CPLX2: variants seen among roughly 807,000 people sequenced by gnomAD.
CPLX2 encodes the protein complexin 2.
CPLX2 carries 5 observed loss-of-function variants against 16.3 expected under a neutral mutation model. The observed-to-expected ratio is 0.31, with a 90% CI of 0.16 to 0.64. CPLX2 has a LOEUF of 0.64. Among genes scored for constraint, CPLX2 ranks in the 30% least tolerant of loss-of-function variants. The probability of loss-of-function intolerance (pLI) is 0.79; values close to 1 mark genes in which losing one functional copy is unlikely to be tolerated. For synonymous variants in CPLX2, 89 were observed against 73.2 expected, an observed-to-expected ratio of 1.22 and a Z score of -1.10; for missense variants, 144 against 181.4, an observed-to-expected ratio of 0.79 and a Z score of 1.18.
At chr5:175,873,448 G>T (rs1759683371) in intron 1 of CPLX2, among the ~76,000 whole-genome samples, 1 of 152,082 alleles carries the variant, frequency 6.6e-6, no homozygotes, top group South Asian at 2.1e-4. Flanking sequence ...GGGGACAGGA[G>T]AAATGAAACA....
chr5:175,862,983 T>C (rs1349833062), intron 2 of CPLX2, among the ~76,000 whole-genome samples: 1 of 152,186 alleles, frequency 6.6e-6, no homozygotes, highest in Admixed American at 6.5e-5. Flanking sequence ...ACTCTGTGTT[T>C]TAGAAAGCTC....
chr5:175,860,558 A>AAG (rs1430841459), intron 2 of CPLX2, among the ~76,000 whole-genome samples: 6 of 130,482 alleles, frequency 4.6e-5, no homozygotes, highest in African/African-American at 1.8e-4. Context: ...GAAAGAAAGA[A>AAG]AGAAAAAGAA....
In CPLX2 at chr5:175,849,999, C is replaced by T. The variant is rs896575140; in HGVS notation, c.-88-28653C>T. On this transcript the variant is annotated intron_variant, in intron 2 of 4. Transcript: ENST00000359546. This position sits in a 1 kb window ranked among gnomAD's most constrained non-coding sequence, Gnocchi z 4.4. The stretch of plus-strand genomic sequence containing the variant: ...AGGGGCTCCCTGTGCTCCAAAGGAG[C>T]CACATACACAGAAGTCATCCTTGGG... 1.3e-5 allele frequency among the ~76,000 whole-genome samples: 2 copies of T among 152,256 alleles called. No homozygotes were observed. The highest frequency in any genetic ancestry group is 2.9e-5 in the Non-Finnish European group (2 of 68,052).
chr5:175,853,281 G>C (rs752038730), intron 2 of CPLX2, among the ~76,000 whole-genome samples: 1 of 152,250 alleles, frequency 6.6e-6, no homozygotes, highest in Non-Finnish European at 1.5e-5. Context: ...CACCAGTCAA[G>C]CCGGGGACAC....
At chr5:175,842,929 C>T (rs928220174) in intron 2 of CPLX2, among the ~76,000 whole-genome samples, 7 of 152,210 alleles carry the variant, frequency 4.6e-5, no homozygotes, top group Non-Finnish European at 1.5e-5. Context: ...CCAAGTTTCC[C>T]CTCTAGGCCC....
intron 2 of CPLX2, among the ~76,000 whole-genome samples, chr5:175,826,038 G>T (rs957509513): frequency 6.6e-6 from 1 of 151,704 alleles, no homozygotes; most frequent in South Asian, 2.1e-4. Flanking sequence ...CAGTGGTGTG[G>T]GCTGGGCTGA....
At chr5:175,867,589 C>T (rs1561788739), upstream of CPLX2, among the ~76,000 whole-genome samples, 1 of 152,150 alleles carries the variant, frequency 6.6e-6, no homozygotes, top group Admixed American at 6.5e-5. Flanking sequence ...ATGCCATTGA[C>T]TTATTCTACT....
intron 2 of CPLX2, among the ~76,000 whole-genome samples, chr5:175,834,582 GT>G (rs1758790963): frequency 6.6e-6 from 1 of 152,106 alleles, no homozygotes. Flanking sequence ...ATGCAGAAAA[GT>G]TTTGTGGAGC....
upstream of CPLX2, among the ~76,000 whole-genome samples, chr5:175,867,984 G>A (rs1007151188): frequency 6.6e-5 from 10 of 152,178 alleles, no homozygotes; most frequent in African/African-American, 2.4e-4. Flanking sequence ...TACCACCCCC[G>A]CAGTTCTGTT....
At chr5:175,856,490 G>A (rs10056916) in intron 2 of CPLX2, among the ~76,000 whole-genome samples, 24,897 of 151,980 alleles carry the variant, frequency 0.16, 2,781 homozygotes, top group East Asian at 0.49. Context: ...CTCCCGCCAC[G>A]CTCCGCGCAG....
intron 1 of CPLX2, among the ~76,000 whole-genome samples, chr5:175,808,495 G>A (rs1228522386): frequency 6.6e-6 from 1 of 152,006 alleles, no homozygotes; most frequent in African/African-American, 2.4e-5. Flanking sequence ...CACAGACGTG[G>A]TCTTATTTAA....
At chr5:175,853,050 G>C (rs1276088823) in intron 2 of CPLX2, among the ~76,000 whole-genome samples, 3 of 152,238 alleles carry the variant, frequency 2.0e-5, no homozygotes, top group African/African-American at 7.2e-5. Context: ...CGTGGGGCAA[G>C]ACAGTACACG....
At chr5:175,860,493 GA>G (rs756658489) in intron 2 of CPLX2, among the ~76,000 whole-genome samples, 2 of 72,162 alleles carry the variant, frequency 2.8e-5, no homozygotes, top group South Asian at 8.9e-4. Flanking sequence ...AAGAAAGAAA[GA>G]AAGAAAAGAA....
rs748682267 is a variant in CPLX2, at chr5:175,878,994, G to T, written c.118G>T (p.Ala40Ser). 11 of 1,600,618 alleles carry T rather than the reference G, an allele frequency of 6.9e-6. No individual in the cohort carries two copies. In the South Asian group the frequency reaches 1.2e-4, roughly 18 times the overall value. ...GAAAAAGGAGGAGGAGCGGCAGGAG[G>T]CGCTGCGGCAGCAGGAGGAGGAGCG... ...AQKKEEERQE[A>S]LRQQEEERKA... The change falls in exon 3 of 4, where the codon GCG becomes TCG. Residue 40 changes from alanine (A) to serine (S), a missense_variant. Ala to Ser is a moderately conservative substitution (Grantham distance 99). Coordinates refer to ENST00000393745, the MANE Select transcript of CPLX2 (RefSeq NM_001008220.2).
At chr5:175,827,705 A>T (rs1200671610) in intron 2 of CPLX2, among the ~76,000 whole-genome samples, 1 of 152,190 alleles carries the variant, frequency 6.6e-6, no homozygotes, top group African/African-American at 2.4e-5. Flanking sequence ...GGTTGCAGTG[A>T]GCTGAGATCA....
In CPLX2 at chr5:175,830,292, TGA is replaced by T. The variant is rs1249699239; in HGVS notation, c.-89+21230_-89+21231del. On this transcript the variant is annotated intron_variant, in intron 2 of 4. Transcript: ENST00000359546. This position sits in a 1 kb window ranked among gnomAD's most constrained non-coding sequence, Gnocchi z 4.0. ...TTTGTGGCTGAATTTTCACAACTCATGAGAGAGGAAGAGATGATTAGCCCCAT... is the reference window on the plus strand; with the variant it reads ...TTTGTGGCTGAATTTTCACAACTCATGAGAGGAAGAGATGATTAGCCCCAT... 6.6e-6 allele frequency among the ~76,000 whole-genome samples: 1 copy of T among 152,132 alleles called. No individual in the cohort carries two copies. The highest frequency in any genetic ancestry group is 1.5e-5 in the Non-Finnish European group (1 of 68,032).
At chr5:175,818,114 A>C (rs1758441353) in intron 2 of CPLX2, among the ~76,000 whole-genome samples, 2 of 152,188 alleles carry the variant, frequency 1.3e-5, no homozygotes, top group Non-Finnish European at 2.9e-5. Flanking sequence ...GATAACATGG[A>C]AACCATTTGA....
intron 1 of CPLX2, among the ~76,000 whole-genome samples, chr5:175,800,291 A>G (rs1758068947): frequency 6.6e-6 from 1 of 152,156 alleles, no homozygotes; most frequent in Admixed American, 6.5e-5. Context: ...GTGTCTCACA[A>G]GTTTCCCCAA....
chr5:175,864,265 T>C (rs1013674366), intron 2 of CPLX2, among the ~76,000 whole-genome samples: 2 of 152,180 alleles, frequency 1.3e-5, no homozygotes, highest in African/African-American at 4.8e-5. Context: ...TAACTCCCTG[T>C]CTTTACGTGG....
Sources: allele counts gnomAD v4.1 joint callset (sites outside exome capture counted in the v4.1 genomes callset), GRCh38; gene constraint gnomAD v4.1.1; non-coding constraint Gnocchi (gnomAD v3.1); transcripts MANE v1.5; gene names NCBI Gene and HGNC (gene_info 2026-07-23, HGNC 2026-07-21).